CEP128: variants seen among roughly 807,000 people sequenced by gnomAD.
CEP128 encodes centrosomal protein 128.
Under a neutral mutation model 156.7 loss-of-function variants are expected in CEP128, and 132 were observed. The ratio of observed to expected loss-of-function variants is 0.84; its 90% confidence interval spans 0.73 to 0.97. CEP128 has a LOEUF of 0.97. Ranked by LOEUF, CEP128 falls within the 50% of genes least tolerant of loss-of-function variation. CEP128 has a pLI of 0.00. For missense variants in CEP128, 1,252 were observed against 1,281.9 expected, an observed-to-expected ratio of 0.98 and a Z score of 0.36; for synonymous variants, 469 against 448.9, an observed-to-expected ratio of 1.04 and a Z score of -0.57.
chr14:80,816,025 CAAAA>C (rs538286048), intron 13 of CEP128, among the ~76,000 whole-genome samples: 1 of 144,030 alleles, frequency 6.9e-6, no homozygotes, highest in Admixed American at 6.9e-5. Context: ...GATGGCAACA[CAAAA>C]AAAAAACCCA....
chr14:80,648,661 T>C (rs549456094), intron 19 of CEP128, among the ~76,000 whole-genome samples: 22 of 152,126 alleles, frequency 1.4e-4, no homozygotes, highest in Non-Finnish European at 2.6e-4. Context: ...CTTCTGAAAC[T>C]GTGAAGGATA....
At chr14:80,791,858 C>T (rs1901725084) in intron 14 of CEP128, among the ~76,000 whole-genome samples, 1 of 152,122 alleles carries the variant, frequency 6.6e-6, no homozygotes, top group Admixed American at 6.5e-5. Flanking sequence ...CTCTTAAATG[C>T]TGAAAACTGA....
chr14:80,900,304 C>T (rs758850717), intron 6 of CEP128, among the ~76,000 whole-genome samples: 3 of 152,064 alleles, frequency 2.0e-5, no homozygotes, highest in Non-Finnish European at 1.5e-5. Flanking sequence ...CTTCCTTAAT[C>T]AGAGCAAAAG....
chr14:80,889,337 A>G (rs1888965948), intron 8 of CEP128, among the ~76,000 whole-genome samples: 1 of 152,256 alleles, frequency 6.6e-6, no homozygotes, highest in Non-Finnish European at 1.5e-5. Context: ...CTAAGCAGAA[A>G]GAACAAAGCT....
intron 19 of CEP128, among the ~76,000 whole-genome samples, chr14:80,654,672 T>C (rs1164515494): frequency 6.6e-6 from 1 of 152,198 alleles, no homozygotes; most frequent in Non-Finnish European, 1.5e-5. Context: ...TCATCTTTAA[T>C]GTTCTTGAAG....
chr14:80,622,985 T>C (rs1345343616), intron 19 of CEP128, among the ~76,000 whole-genome samples: 1 of 152,174 alleles, frequency 6.6e-6, no homozygotes, highest in Non-Finnish European at 1.5e-5. Flanking sequence ...CTATAAATCA[T>C]GCTGCTATAA....
chr14:80,957,484 A>G (rs1021704951), intron 2 of CEP128, among the ~76,000 whole-genome samples: 6 of 152,062 alleles, frequency 3.9e-5, no homozygotes, highest in African/African-American at 1.2e-4. Flanking sequence ...AAAAAACTTA[A>G]GTGAATAAAT....
At chr14:80,951,854 A>G (rs111595932) in intron 2 of CEP128, among the ~76,000 whole-genome samples, 4 of 152,210 alleles carry the variant, frequency 2.6e-5, no homozygotes, top group African/African-American at 9.6e-5. Flanking sequence ...TGGCTCTACC[A>G]ATAACAGAAA....
intron 14 of CEP128, among the ~76,000 whole-genome samples, chr14:80,480,363 C>T (rs1438901374): frequency 1.3e-5 from 2 of 152,162 alleles, no homozygotes; most frequent in Admixed American, 6.5e-5. Flanking sequence ...CTTCTATGTA[C>T]CCGCAGGCTC....
intron 19 of CEP128, among the ~76,000 whole-genome samples, chr14:80,658,640 T>G (rs1339248278): frequency 1.3e-5 from 2 of 152,192 alleles, no homozygotes; most frequent in Admixed American, 1.3e-4. Flanking sequence ...TGCAATTAGT[T>G]AACATCTTAA....
intron 2 of CEP128, chr14:80,955,275 T>A (rs1886594821): frequency 8.5e-6 from 3 of 351,242 alleles, no homozygotes; most frequent in Admixed American, 4.3e-5. Flanking sequence ...AGGTGGCTCC[T>A]TGGATTTAAA....
chr14:80,821,638 CACACAT>C (rs1433301010), intron 13 of CEP128, among the ~76,000 whole-genome samples: 1,638 of 132,732 alleles, frequency 0.012, 43 homozygotes, highest in African/African-American at 0.041. Flanking sequence ...CACACACACA[CACACAT>C]GCACACAAAG....
intron 19 of CEP128, among the ~76,000 whole-genome samples, chr14:80,691,402 C>CT (rs1406112284): frequency 2.0e-5 from 3 of 152,108 alleles, no homozygotes; most frequent in South Asian, 4.1e-4. Flanking sequence ...CTTCTCCCCA[C>CT]TATTGGGGTT....
intron 13 of CEP128, among the ~76,000 whole-genome samples, chr14:80,818,063 C>A (rs1884966132): frequency 6.6e-6 from 1 of 152,080 alleles, no homozygotes; most frequent in South Asian, 2.1e-4. Context: ...AAGGTAAGAA[C>A]AGGCTAAGTG....
intron 19 of CEP128, among the ~76,000 whole-genome samples, chr14:80,690,481 A>G (rs1896683685): frequency 6.6e-6 from 1 of 152,070 alleles, no homozygotes; most frequent in South Asian, 2.1e-4. Context: ...GTAATAGCTT[A>G]GAGTTCTCAC....
intron 13 of CEP128, among the ~76,000 whole-genome samples, chr14:80,829,985 G>C (rs565282931): frequency 6.6e-6 from 1 of 152,122 alleles, no homozygotes; most frequent in African/African-American, 2.4e-5. Flanking sequence ...CCAATGTGTG[G>C]TTATGAACAT....
At chr14:80,491,764 T>C (rs1257625606), downstream of CEP128, among the ~76,000 whole-genome samples, 2 of 152,202 alleles carry the variant, frequency 1.3e-5, no homozygotes, top group East Asian at 1.9e-4. Context: ...TCATCAGAAA[T>C]GTGACTTTAT....
intron 13 of CEP128, among the ~76,000 whole-genome samples, chr14:80,825,550 C>T (rs1371486396): frequency 6.6e-6 from 1 of 152,090 alleles, no homozygotes; most frequent in Non-Finnish European, 1.5e-5. Flanking sequence ...GCAATAAATA[C>T]AAACTATTAG....
intron 12 of CEP128, among the ~76,000 whole-genome samples, 162 bp downstream of exon 12, chr14:80,836,043 T>C (rs1886056528): frequency 6.6e-6 from 1 of 152,192 alleles, no homozygotes; most frequent in Admixed American, 6.5e-5. Flanking sequence ...GGGATGATGC[T>C]GAATTATTAT....
Sources: allele counts gnomAD v4.1 joint callset (sites outside exome capture counted in the v4.1 genomes callset), GRCh38; gene constraint gnomAD v4.1.1; transcripts MANE v1.5; gene names NCBI Gene and HGNC (gene_info 2026-07-23, HGNC 2026-07-21).